Variants in SEPTIN6 observed in about 807,000 individuals in gnomAD.
The protein encoded by SEPTIN6 is septin 6.
Under a neutral mutation model 33.6 loss-of-function variants are expected in SEPTIN6, and 8 were observed. That is an observed-to-expected ratio of 0.24 (90% CI 0.14 to 0.43). The LOEUF is 0.43. Ranked by LOEUF, SEPTIN6 falls within the 20% of genes least tolerant of loss-of-function variation. The pLI is 1.00. For missense variants in SEPTIN6, 250 were observed against 340.8 expected (o/e 0.73, Z 2.10); for synonymous variants, 131 against 140.0 (o/e 0.94, Z 0.45).
chrX:119,670,587 AAG>A (rs2054728253), intron 2 of SEPTIN6, among the ~76,000 whole-genome samples: 1 of 104,809 alleles, frequency 9.5e-6, no homozygotes, highest in Admixed American at 1.0e-4. Flanking sequence ...AAAGAAGAAG[AAG>A]AAGAATTGCA....
At chrX:119,625,959 C>T (rs764885824) in intron 9 of SEPTIN6, among the ~76,000 whole-genome samples, 1 of 112,150 alleles carries the variant, frequency 8.9e-6, no homozygotes, top group South Asian at 3.7e-4. Context: ...CATTTCTGCC[C>T]TCAAAACTCA....
chrX:119,692,623 C>T (rs1372779442), intron 1 of SEPTIN6, among the ~76,000 whole-genome samples: 1 of 112,149 alleles, frequency 8.9e-6, no homozygotes, highest in Non-Finnish European at 1.9e-5. Context: ...GCCTTCTGCC[C>T]CAGGCTAACC....
chrX:119,636,149 A>G (rs991102737), intron 7 of SEPTIN6, among the ~76,000 whole-genome samples: 2 of 111,512 alleles, frequency 1.8e-5, no homozygotes, highest in Non-Finnish European at 3.8e-5. Flanking sequence ...AATATCCCCA[A>G]GGGACTGGTT....
At position 119,657,841 on chromosome X, in the gene SEPTIN6, C is replaced by A. The variant is rs192967383; in HGVS notation, c.342-4801G>T. On this transcript the variant is annotated intron_variant, in intron 3 of 10. Transcript: ENST00000394610. Reference sequence around the variant, plus strand: ...ATTTATTTATGCAAGAACACCTATTCTCGACCGGGTGCGGTGGCTCACGCC... The same window carrying A: ...ATTTATTTATGCAAGAACACCTATTATCGACCGGGTGCGGTGGCTCACGCC... 1.7e-3 allele frequency among the ~76,000 whole-genome samples: 191 copies of A among 112,155 alleles called. 3 individuals carry two copies. Among genetic ancestry groups the A allele is most frequent in the African/African-American group, 6.1e-3 (188 of 30,887 alleles).
At chrX:119,627,672 G>T (rs1037911526) in intron 9 of SEPTIN6, among the ~76,000 whole-genome samples, 29 of 110,563 alleles carry the variant, frequency 2.6e-4, no homozygotes, top group Non-Finnish European at 5.3e-4. Context: ...GCAGGGTGAG[G>T]GTGGGACTAC....
At chrX:119,650,620 A>C (rs1174846023) in intron 4 of SEPTIN6, among the ~76,000 whole-genome samples, 1 of 110,982 alleles carries the variant, frequency 9.0e-6, no homozygotes, top group African/African-American at 3.3e-5. Flanking sequence ...TCTTGCTAAG[A>C]GTAAATTGTC....
chrX:119,638,847 T>C lies in SEPTIN6; in HGVS notation c.788-1652A>G, dbSNP rs1187273789. On this transcript the variant is annotated intron_variant, in intron 6 of 10. Coordinates refer to ENST00000394610, the MANE Select transcript of SEPTIN6 (RefSeq NM_145799.4). The stretch of plus-strand genomic sequence containing the variant: ...GCTGCCTGAGCAATATACAACTTCT[T>C]CCTCATTCAAGCGGAACAGTCAACT... 3.6e-5 allele frequency among the ~76,000 whole-genome samples: 4 copies of C among 112,109 alleles called. No individual in the cohort carries two copies. The Admixed American group carries it at 3.8e-4, about 11-fold the overall frequency.
At chrX:119,664,132 C>T (rs370758169) in intron 2 of SEPTIN6, among the ~76,000 whole-genome samples, 1 of 110,407 alleles carries the variant, frequency 9.1e-6, no homozygotes, top group Non-Finnish European at 1.9e-5. Flanking sequence ...TACAGGCACC[C>T]GCCACCGTGC....
rs781579771 is a variant in SEPTIN6 at position 119,617,849 on chromosome X, CCTT to C, written c.*2241_*2243del. ...ATGTCTCCCTTAATATAAAACTCCT[CCTT>C]AGTTTCTGAAGGTCTCTCCAAGGCT... On this transcript the variant is annotated 3_prime_UTR_variant, in exon 11 of 11. Coordinates refer to ENST00000394610, the MANE Select transcript of SEPTIN6 (RefSeq NM_145799.4). 2 of 802,714 alleles carry C rather than the reference CCTT, an allele frequency of 2.5e-6. No homozygotes were observed. Among genetic ancestry groups the C allele is most frequent in the Non-Finnish European group, 3.0e-6 (2 of 668,445 alleles). 66.2% of individuals were successfully genotyped at this position (802,714 alleles called of 1,213,427 possible).
At chrX:119,671,464 A>G (rs1054263363) in intron 2 of SEPTIN6, among the ~76,000 whole-genome samples, 3 of 108,180 alleles carry the variant, frequency 2.8e-5, no homozygotes, top group South Asian at 4.5e-4. Context: ...ACTTTTTTGT[A>G]TTTTTAGTAG....
chrX:119,693,020 C>T lies in SEPTIN6; in HGVS notation c.30+56G>A, dbSNP rs2055205507. 3.5e-6 allele frequency: 4 copies of T among 1,139,095 alleles called. No homozygotes were observed. The Admixed American group carries it at 1.0e-4, about 29-fold the overall frequency. 93.9% of individuals were successfully genotyped at this position (1,139,095 alleles called of 1,213,427 possible). A position where few individuals can be genotyped will look rare whatever the true frequency, so the allele number is the denominator to read the frequency against. ...CGATGTGGCGGCGGCGGCCAGGTCT[C>T]CTTGACCCTCACCAGGCCCTCGGCC... On this transcript the variant is annotated intron_variant, in intron 1 of 10. Transcript: ENST00000394610.
intron 2 of SEPTIN6, among the ~76,000 whole-genome samples, chrX:119,665,189 T>C (rs1319631748): frequency 9.3e-6 from 1 of 107,191 alleles, no homozygotes; most frequent in South Asian, 4.3e-4. Context: ...CTGCAGCCTC[T>C]GCCTCCCGGG....
rs1341251327 is a variant in SEPTIN6 at position 119,619,724 on chromosome X, A to G, written c.*369T>C. The G allele has an allele frequency of 1.0e-6, 1 of 961,938 alleles. No individual in the cohort carries two copies. Among genetic ancestry groups the G allele is most frequent in the Non-Finnish European group, 1.3e-6 (1 of 769,321 alleles). The allele number at this position is 961,938 out of a possible 1,213,427, so 79.3% of individuals were successfully genotyped here. A position where few individuals can be genotyped will look rare whatever the true frequency, so the allele number is the denominator to read the frequency against. ...GAAACTAACAGCAACCAGAACTGGA[A>G]CAGGGGAGCTGGTGGGAAAGAGTAG... On this transcript the variant is annotated 3_prime_UTR_variant, in exon 11 of 11. Coordinates refer to ENST00000394610, the MANE Select transcript of SEPTIN6 (RefSeq NM_145799.4).
At chrX:119,671,218 G>T (rs1427153740) in intron 2 of SEPTIN6, among the ~76,000 whole-genome samples, 1 of 111,020 alleles carries the variant, frequency 9.0e-6, no homozygotes, top group Non-Finnish European at 1.9e-5. Context: ...GGCCAAGTAG[G>T]GAGGACTGCT....
At chrX:119,662,857 C>T (rs1179094483) in intron 3 of SEPTIN6, among the ~76,000 whole-genome samples, 1 of 112,423 alleles carries the variant, frequency 8.9e-6, no homozygotes, top group African/African-American at 3.2e-5. Context: ...ATACCAGAAT[C>T]CTACACATCA....
At chrX:119,686,689 C>T in intron 1 of SEPTIN6, 2 of 720,656 alleles carry the variant, frequency 2.8e-6, no homozygotes, top group South Asian at 2.2e-5. Context: ...TATTCTGCGC[C>T]CCCCACTCCA....
intron 5 of SEPTIN6, among the ~76,000 whole-genome samples, chrX:119,646,523 G>A (rs182832232): frequency 8.9e-6 from 1 of 111,791 alleles, no homozygotes; most frequent in Non-Finnish European, 1.9e-5. Context: ...AGATATCAGA[G>A]CATGGGTTGA....
chrX:119,648,271 AT>A (rs1194225325), intron 5 of SEPTIN6, among the ~76,000 whole-genome samples: 3 of 110,389 alleles, frequency 2.7e-5, no homozygotes, highest in African/African-American at 9.9e-5. Flanking sequence ...CTCAGTCCCT[AT>A]TTATTCTTAG....
chrX:119,622,489 C>T (rs2053786132), intron 10 of SEPTIN6, among the ~76,000 whole-genome samples: 1 of 111,649 alleles, frequency 9.0e-6, no homozygotes, highest in Non-Finnish European at 1.9e-5. Context: ...ACTCGTTGGT[C>T]TGAAATTGCT....
Sources: gnomAD v4.1 joint callset for allele counts (sites outside exome capture counted in the v4.1 genomes callset) on GRCh38, gnomAD v4.1.1 for gene constraint, MANE v1.5 for transcripts, NCBI Gene and HGNC (gene_info 2026-07-23, HGNC 2026-07-21) for gene names.